The following PDE4D variants were observed in gnomAD, a reference collection of about 807,000 sequenced individuals.
PDE4D encodes phosphodiesterase 4D.
In PDE4D, 24 loss-of-function variants were observed where a neutral mutation model predicts 87.4. The ratio of observed to expected loss-of-function variants is 0.27; its 90% CI spans 0.20 to 0.39. The LOEUF (loss-of-function observed/expected upper bound fraction) is 0.39, where lower values mean the gene tolerates loss of function less well. Ranked by LOEUF, PDE4D falls within the 10% of genes least tolerant of loss-of-function variation. The probability of loss-of-function intolerance (pLI) is 1.00; values close to 1 mark genes in which losing one functional copy is unlikely to be tolerated. For synonymous variants in PDE4D, 384 were observed against 383.2 expected (o/e 1.00, Z -0.02); for missense variants, 714 against 1,041.0 (o/e 0.69, Z 4.32).
chr5:60,091,868 C>G (rs559292314), intron 2 of PDE4D, among the ~76,000 whole-genome samples: 3 of 151,430 alleles, frequency 2.0e-5, no homozygotes, highest in Non-Finnish European at 4.4e-5. Flanking sequence ...CTGGCTGACA[C>G]GGTGAAACCC....
intron 1 of PDE4D, among the ~76,000 whole-genome samples, chr5:59,487,028 A>G (rs1805269901): frequency 6.6e-6 from 1 of 152,212 alleles, no homozygotes; most frequent in Non-Finnish European, 1.5e-5. Flanking sequence ...TCAGGAATGC[A>G]TAGAAGTAGA....
Position 59,730,375 on chromosome 5 carries a change from A to T in PDE4D, c.455+162793T>A, listed in dbSNP as rs192991539. ...TGCTTCCAAACCAGGGTAATTAAAAAATTAGAATGCAGTTATTTATTTTAT... is the reference window on the plus strand; with the variant it reads ...TGCTTCCAAACCAGGGTAATTAAAATATTAGAATGCAGTTATTTATTTTAT... On this transcript the variant is annotated intron_variant, in intron 1 of 14. Transcript: ENST00000340635. 4.6e-4 allele frequency among the ~76,000 whole-genome samples: 70 copies of T among 152,274 alleles called. No individual in the cohort carries two copies. In the East Asian group the frequency reaches 0.013, roughly 29 times the overall value.
chr5:60,139,111 TC>T (rs1176049596), intron 2 of PDE4D, among the ~76,000 whole-genome samples: 6 of 152,030 alleles, frequency 3.9e-5, no homozygotes, highest in African/African-American at 1.4e-4. Context: ...ATTTTAAAAT[TC>T]CAAAATGATG....
intron 1 of PDE4D, among the ~76,000 whole-genome samples, chr5:59,264,573 G>A (rs917195936): frequency 1.3e-5 from 2 of 151,982 alleles, no homozygotes; most frequent in African/African-American, 4.8e-5. Context: ...ACACAGAAAA[G>A]TAATTGGGCT....
chr5:59,059,407 T>TG (rs1762809175), intron 5 of PDE4D, among the ~76,000 whole-genome samples: 1 of 152,186 alleles, frequency 6.6e-6, no homozygotes, highest in African/African-American at 2.4e-5. Context: ...TTGGCATGCC[T>TG]GCTGGAACAC....
rs1268285783 is a variant in PDE4D at position 59,893,587 on chromosome 5, C to G, written c.36G>C (p.Ala12=). The G allele has an allele frequency of 2.0e-6, 3 of 1,522,578 alleles. No homozygotes were observed. The highest frequency in any genetic ancestry group is 2.6e-6 in the Non-Finnish European group (3 of 1,135,912). The allele number at this position is 1,522,578 out of a possible 1,614,324, so 94.3% of individuals were successfully genotyped here. The change falls in exon 1 of 15, where the codon GCG becomes GCC. Residue 12 remains alanine (A), a synonymous_variant. Transcript: ENST00000340635. ...CGCTGTCGCTGCCCTCTCCGCTGCCCGCCCGGGCCGGCGCGCTGCTGCCCT... is the reference window on the plus strand; with the variant it reads ...CGCTGTCGCTGCCCTCTCCGCTGCCGGCCCGGGCCGGCGCGCTGCTGCCCT... ...EAEGSSAPAR[A]GSGEGSDSAG... is the part of the protein sequence containing the mutation.
chr5:60,080,034 T>C (rs1368502751), intron 2 of PDE4D, among the ~76,000 whole-genome samples: 1 of 152,242 alleles, frequency 6.6e-6, no homozygotes, highest in African/African-American at 2.4e-5. Flanking sequence ...CATTTGTTTG[T>C]GTCCTCTCTT....
intron 2 of PDE4D, among the ~76,000 whole-genome samples, chr5:60,099,723 A>G (rs1407137931): frequency 6.6e-6 from 1 of 152,024 alleles, no homozygotes; most frequent in East Asian, 1.9e-4. Flanking sequence ...ACAAAAATCC[A>G]AAGTTTGAAT....
chr5:60,250,125 G>A (rs773843479), intron 1 of PDE4D, among the ~76,000 whole-genome samples: 5 of 151,922 alleles, frequency 3.3e-5, no homozygotes, highest in East Asian at 1.9e-4. Flanking sequence ...AATTTATTCT[G>A]CTGAAACTGG....
At chr5:60,084,923 C>G (rs1191412962) in intron 2 of PDE4D, among the ~76,000 whole-genome samples, 2 of 152,136 alleles carry the variant, frequency 1.3e-5, no homozygotes, top group African/African-American at 4.8e-5. Flanking sequence ...TAATACGGGC[C>G]TCCAGGATGC....
intron 2 of PDE4D, among the ~76,000 whole-genome samples, chr5:60,178,991 T>C (rs756098952): frequency 2.6e-5 from 4 of 152,104 alleles, no homozygotes; most frequent in Non-Finnish European, 5.9e-5. Flanking sequence ...ATTCAGGATG[T>C]TGAGGGCTGC....
At chr5:59,632,641 G>A (rs1831719489) in intron 1 of PDE4D, among the ~76,000 whole-genome samples, 1 of 152,134 alleles carries the variant, frequency 6.6e-6, no homozygotes, top group Non-Finnish European at 1.5e-5. Context: ...CAGAAGAGGG[G>A]TCTGACTGCT....
At chr5:58,999,596 A>G in intron 6 of PDE4D, 1 of 1,223,292 alleles carries the variant, frequency 8.2e-7, no homozygotes, top group Non-Finnish European at 1.0e-6. Context: ...TCTAAAATGT[A>G]TTTAGCTTCA....
intron 1 of PDE4D, among the ~76,000 whole-genome samples, chr5:59,607,075 A>C (rs1298802710): frequency 6.6e-6 from 1 of 151,696 alleles, no homozygotes; most frequent in Non-Finnish European, 1.5e-5. Flanking sequence ...ATTGGGAGGC[A>C]CTTTACTGAC....
chr5:60,218,012 G>A (rs978503389), intron 1 of PDE4D, among the ~76,000 whole-genome samples: 3 of 151,894 alleles, frequency 2.0e-5, no homozygotes, highest in Non-Finnish European at 4.4e-5. Flanking sequence ...GCTGAATTAT[G>A]TCTACCCTAC....
intron 1 of PDE4D, among the ~76,000 whole-genome samples, chr5:60,265,511 T>C (rs1161117792): frequency 2.6e-5 from 4 of 152,080 alleles, no homozygotes; most frequent in African/African-American, 9.7e-5. Flanking sequence ...TCTGATGAGC[T>C]CTTGGTTTTA....
intron 1 of PDE4D, among the ~76,000 whole-genome samples, chr5:60,515,864 T>C (rs557312715): frequency 8.2e-4 from 125 of 152,348 alleles, no homozygotes; most frequent in African/African-American, 2.9e-3. Flanking sequence ...AGGTTGAACA[T>C]TGTTTCATGA....
At chr5:59,600,842 G>C (rs924239147) in intron 1 of PDE4D, among the ~76,000 whole-genome samples, 1 of 152,148 alleles carries the variant, frequency 6.6e-6, no homozygotes, top group African/African-American at 2.4e-5. Flanking sequence ...ACAAATAAAA[G>C]CTATGCTCAA....
chr5:59,750,567 T>G (rs1760292644), intron 1 of PDE4D, among the ~76,000 whole-genome samples: 1 of 152,240 alleles, frequency 6.6e-6, no homozygotes. Flanking sequence ...CCCTGACTTA[T>G]TCTTCTATAC....
Sources: gnomAD v4.1 joint callset for allele counts (sites outside exome capture counted in the v4.1 genomes callset) on GRCh38, gnomAD v4.1.1 for gene constraint, MANE v1.5 for transcripts, NCBI Gene and HGNC (gene_info 2026-07-23, HGNC 2026-07-21) for gene names.